Variants in CDH8 observed in about 807,000 individuals in gnomAD.
CDH8 encodes the protein cadherin-8.
In CDH8, 17 loss-of-function variants were observed where a neutral mutation model predicts 68.1. The observed-to-expected ratio is 0.25, with a 90% CI of 0.17 to 0.37. The LOEUF (loss-of-function observed/expected upper bound fraction) is 0.37. Among genes scored for constraint, CDH8 ranks in the 10% least tolerant of loss-of-function variants. The probability of loss-of-function intolerance (pLI) is 1.00; values close to 1 mark genes in which losing one functional copy is unlikely to be tolerated. For missense variants in CDH8, 763 were observed against 999.3 expected, an observed-to-expected ratio of 0.76 and a Z score of 3.19; for synonymous variants, 372 against 365.1, an observed-to-expected ratio of 1.02 and a Z score of -0.21.
chr16:61,907,773 G>A (rs916094535), intron 2 of CDH8, among the ~76,000 whole-genome samples: 6 of 151,996 alleles, frequency 3.9e-5, no homozygotes, highest in African/African-American at 9.7e-5. Flanking sequence ...GGCCAGACAC[G>A]GTGGCTCACG....
At chr16:61,950,320 A>G (rs1597084752) in intron 2 of CDH8, among the ~76,000 whole-genome samples, 1 of 152,324 alleles carries the variant, frequency 6.6e-6, no homozygotes, top group East Asian at 1.9e-4. Flanking sequence ...GCTGAGAAGC[A>G]GCTCTTCATA....
At chr16:61,659,985 T>C (rs1963524290) in intron 10 of CDH8, among the ~76,000 whole-genome samples, 2 of 152,228 alleles carry the variant, frequency 1.3e-5, no homozygotes, top group Admixed American at 6.5e-5. Flanking sequence ...CAGCTAGACA[T>C]GGTCAGGGGA....
chr16:61,784,154 G>C (rs1278764064), intron 8 of CDH8, among the ~76,000 whole-genome samples: 1 of 150,564 alleles, frequency 6.6e-6, no homozygotes, highest in African/African-American at 2.5e-5. Context: ...ATTGGATAAA[G>C]AGTCAAGACC....
chr16:61,715,502 G>A (rs1596893146), intron 9 of CDH8, among the ~76,000 whole-genome samples: 1 of 151,676 alleles, frequency 6.6e-6, no homozygotes, highest in South Asian at 2.1e-4. Context: ...TAAATCTTTT[G>A]ACAGTTTCTG....
intron 3 of CDH8, among the ~76,000 whole-genome samples, chr16:61,883,016 A>T (rs1963606056): frequency 6.6e-6 from 1 of 152,176 alleles, no homozygotes; most frequent in African/African-American, 2.4e-5. Context: ...ATCCCTGGGG[A>T]ATTCAGATCA....
In CDH8 at chr16:61,652,608, G is replaced by T; in HGVS notation, c.*1000C>A. On this transcript the variant is annotated 3_prime_UTR_variant, in exon 12 of 12. Transcript: ENST00000577390. Reference sequence around the variant, plus strand: ...CCTGCCATACTCATCTCATCAAAATGTACATGTATTAAACATTCATTGTAT... The same window carrying T: ...CCTGCCATACTCATCTCATCAAAATTTACATGTATTAAACATTCATTGTAT... The T allele has an allele frequency of 9.7e-7, 1 of 1,025,816 alleles. No homozygotes were observed. Among genetic ancestry groups the T allele is most frequent in the Non-Finnish European group, 1.2e-6 (1 of 824,038 alleles). The allele number at this position is 1,025,816 out of a possible 1,614,324, so 63.5% of individuals were successfully genotyped here.
At chr16:61,695,293 C>T (rs1201749770) in intron 10 of CDH8, among the ~76,000 whole-genome samples, 2 of 152,092 alleles carry the variant, frequency 1.3e-5, no homozygotes, top group Non-Finnish European at 2.9e-5. Context: ...TTTTGATGTG[C>T]AAAGAGATTC....
At chr16:61,844,977 A>G (rs1962773282) in intron 4 of CDH8, among the ~76,000 whole-genome samples, 1 of 152,186 alleles carries the variant, frequency 6.6e-6, no homozygotes, top group Non-Finnish European at 1.5e-5. Flanking sequence ...AAATGAATTG[A>G]CTAAAGTCAT....
In CDH8 at chr16:61,738,494, G is replaced by A. The variant is rs555109093; in HGVS notation, c.1415-11279C>T. Among the ~76,000 whole-genome samples the A allele has an allele frequency of 2.2e-3, 330 of 152,204 alleles. 2 individuals are homozygous for A. Among genetic ancestry groups the A allele is most frequent in the Non-Finnish European group, 2.9e-3 (194 of 67,988 alleles). ...ATTTACGGTTGTAAAATTTTAATCC[G>A]ATGGGGAAAAGATTTAGAGCTACTG... On this transcript the variant is annotated intron_variant, in intron 8 of 11. Coordinates refer to ENST00000577390, the MANE Select transcript of CDH8 (RefSeq NM_001796.5).
intron 1 of CDH8, among the ~76,000 whole-genome samples, chr16:62,024,080 C>G (rs554153038): frequency 1.3e-5 from 2 of 151,978 alleles, no homozygotes; most frequent in Non-Finnish European, 2.9e-5. Context: ...CTCAAGTGAT[C>G]TTCTCACTCC....
chr16:61,711,746 T>G (rs1012613275), intron 10 of CDH8: 6 of 151,660 alleles, frequency 4.0e-5, no homozygotes, highest in African/African-American at 1.5e-4. Context: ...AAGATTTGGA[T>G]CCTAAATCCA....
intron 2 of CDH8, among the ~76,000 whole-genome samples, chr16:61,953,505 CTA>C (rs796433987): frequency 5.9e-5 from 9 of 151,626 alleles, no homozygotes; most frequent in African/African-American, 2.2e-4. Flanking sequence ...AAAAAGAAAA[CTA>C]TATATAATGC....
rs555114404 is a variant in CDH8, at chr16:61,816,358, T to G, written c.1277+1121A>C. ...ACCCTTGTGAGTAACAGGAATTTAA[T>G]ACATTTTTTAAAAAATCGAATAAAT... On this transcript the variant is annotated intron_variant, in intron 7 of 11. Coordinates refer to ENST00000577390, the MANE Select transcript of CDH8 (RefSeq NM_001796.5). 5.3e-5 allele frequency among the ~76,000 whole-genome samples: 8 copies of G among 152,318 alleles called. No individual in the cohort carries two copies. In the South Asian group the frequency reaches 1.7e-3, roughly 32 times the overall value.
intron 2 of CDH8, among the ~76,000 whole-genome samples, chr16:61,935,866 G>C (rs1279543493): frequency 6.6e-6 from 1 of 152,016 alleles, no homozygotes; most frequent in Non-Finnish European, 1.5e-5. Flanking sequence ...TTATTTTTTG[G>C]TGACGGGGGC....
chr16:61,951,277 T>C (rs75488540), intron 2 of CDH8, among the ~76,000 whole-genome samples: 21,109 of 151,954 alleles, frequency 0.14, 2,081 homozygotes, highest in East Asian at 0.28. Context: ...TTTGGGAGGC[T>C]GAGGCAGGCG....
At position 61,653,084 on chromosome 16, in the gene CDH8, T is replaced by A; in HGVS notation, c.*524A>T. On this transcript the variant is annotated 3_prime_UTR_variant, in exon 12 of 12. Coordinates refer to ENST00000577390, the MANE Select transcript of CDH8 (RefSeq NM_001796.5). ...AATGTGTGGTCACCGTACTGTATAA[T>A]CTAGGAGGCCTCTCAAAACTCCAAA... 7.9e-7 allele frequency: 1 copy of A among 1,270,854 alleles called. No homozygotes were observed. Among genetic ancestry groups the A allele is most frequent in the Non-Finnish European group, 9.9e-7 (1 of 1,009,690 alleles). The allele number at this position is 1,270,854 out of a possible 1,614,324, so 78.7% of individuals were successfully genotyped here.
intron 10 of CDH8, among the ~76,000 whole-genome samples, chr16:61,713,044 T>A (rs1964660836): frequency 6.6e-6 from 1 of 151,608 alleles, no homozygotes; most frequent in Non-Finnish European, 1.5e-5. Context: ...CCTGAGACAT[T>A]GCTTATATTT....
intron 8 of CDH8, among the ~76,000 whole-genome samples, chr16:61,759,424 T>A (rs1960406878): frequency 6.6e-6 from 1 of 151,218 alleles, no homozygotes; most frequent in South Asian, 2.1e-4. Context: ...GTAATAGTAG[T>A]AGTATAGCAG....
intron 6 of CDH8, 61 bp from the exon 7 acceptor site, chr16:61,817,793 G>A: frequency 6.7e-7 from 1 of 1,487,542 alleles, no homozygotes; most frequent in South Asian, 1.3e-5. Context: ...AAGAACAAAT[G>A]AGTATAATGC....
Sources: gnomAD v4.1 joint callset for allele counts (sites outside exome capture counted in the v4.1 genomes callset) on GRCh38, gnomAD v4.1.1 for gene constraint, MANE v1.5 for transcripts, NCBI Gene and HGNC (gene_info 2026-07-23, HGNC 2026-07-21) for gene names.